Variants in DDX59 observed in about 807,000 individuals in gnomAD.
DDX59 encodes the protein DEAD-box helicase 59.
Under a neutral mutation model 51.9 loss-of-function variants are expected in DDX59, and 30 were observed. The observed-to-expected ratio is 0.58, with a 90% CI of 0.43 to 0.78. The LOEUF (loss-of-function observed/expected upper bound fraction) is 0.78, where lower values mean the gene tolerates loss of function less well. Among genes scored for constraint, DDX59 ranks in the 30% least tolerant of loss-of-function variants. DDX59 has a pLI of 0.00. For missense variants in DDX59, 672 were observed against 730.8 expected (o/e 0.92, Z 0.93); for synonymous variants, 255 against 253.3 (o/e 1.01, Z -0.06).
intron 3 of DDX59, among the ~76,000 whole-genome samples, chr1:200,663,126 T>G (rs1254382565): frequency 6.6e-6 from 1 of 152,120 alleles, no homozygotes; most frequent in Non-Finnish European, 1.5e-5. Context: ...CTGGTACTGC[T>G]GCCCCAGCCC....
chr1:200,664,160 G>A, intron 2 of DDX59, 74 bp from the exon 3 acceptor site: 2 of 1,499,966 alleles, frequency 1.3e-6, no homozygotes, highest in Non-Finnish European at 1.8e-6. Context: ...ATCTTCACAA[G>A]GATTCCAGGA....
chr1:200,666,882 C>A, intron 1 of DDX59, 131 bp from the exon 2 acceptor site: 1 of 855,704 alleles, frequency 1.2e-6, no homozygotes, highest in Non-Finnish European at 1.7e-6. Flanking sequence ...CCGAGGCAGG[C>A]AGATCACTTG....
chr1:200,659,058 A>G lies in DDX59; in HGVS notation c.1031T>C (p.Leu344Pro), dbSNP rs1662213366. The change falls in exon 4 of 8, where the codon CTC becomes CCC. Residue 344 changes from leucine (L) to proline (P), a missense_variant. Coordinates refer to ENST00000331314, the MANE Select transcript of DDX59 (RefSeq NM_001031725.6). ...TACTACCACAATCTTTACACCACAG[A>G]GTTCTACAGAGCTCTGCTTTATTAT... ...LDIIKQSSVE[L>P]CGVKIVVVDE... The G allele has an allele frequency of 6.2e-7, 1 of 1,613,476 alleles. No homozygotes were observed. The highest frequency in any genetic ancestry group is 1.3e-5 in the African/African-American group (1 of 75,030).
intron 3 of DDX59, among the ~76,000 whole-genome samples, chr1:200,661,575 C>T (rs533288061): frequency 6.6e-6 from 1 of 152,170 alleles, no homozygotes; most frequent in African/African-American, 2.4e-5. Flanking sequence ...AAGTAAGTGG[C>T]TTGTAAACCT....
At chr1:200,646,444 G>A (rs1661301783) in intron 7 of DDX59, among the ~76,000 whole-genome samples, 1 of 151,934 alleles carries the variant, frequency 6.6e-6, no homozygotes, top group African/African-American at 2.4e-5. Flanking sequence ...ATTTAAAAAT[G>A]GACAACAAAT....
rs750542771 is a variant in DDX59, at chr1:200,650,647, T to G, written c.1092A>C (p.Gln364His). Residue 364 changes from glutamine (Q) to histidine (H), a missense_variant, in exon 5 of 8, where the codon CAA (glutamine) becomes CAC (histidine). Coordinates refer to ENST00000331314, the MANE Select transcript of DDX59 (RefSeq NM_001031725.6). Reference sequence around the variant, plus strand: ...TTTCCAAAATGTCAAGCACTTGTTGTTGAAAACCCATCTTTAACATGGTAT... The same window carrying G: ...TTTCCAAAATGTCAAGCACTTGTTGGTGAAAACCCATCTTTAACATGGTAT... Reference protein sequence around the residue: ...EADTMLKMGFQQQVLDILENI... With the variant: ...EADTMLKMGFHQQVLDILENI... 6.2e-7 allele frequency: 1 copy of G among 1,612,876 alleles called. No homozygotes were observed. The highest frequency in any genetic ancestry group is 8.5e-7 in the Non-Finnish European group (1 of 1,179,208).
chr1:200,652,855 T>G (rs966765118), intron 4 of DDX59, among the ~76,000 whole-genome samples: 6 of 151,540 alleles, frequency 4.0e-5, no homozygotes, highest in Admixed American at 2.0e-4. Context: ...TAATTTTTGG[T>G]ATTTTTTTTT....
chr1:200,641,289 A>C (rs1255829790), downstream of DDX59: 15 of 1,191,308 alleles, frequency 1.3e-5, no homozygotes, highest in African/African-American at 1.6e-5. Flanking sequence ...TTTTACTGGA[A>C]AATATGACAG....
downstream of DDX59, among the ~76,000 whole-genome samples, chr1:200,643,629 C>A (rs981027953): frequency 6.6e-6 from 1 of 151,976 alleles, no homozygotes. Flanking sequence ...GGCGACAGAG[C>A]GAGACTCTGT....
chr1:200,656,825 A>T (rs1415262673), intron 4 of DDX59, among the ~76,000 whole-genome samples: 1 of 152,054 alleles, frequency 6.6e-6, no homozygotes, highest in African/African-American at 2.4e-5. Flanking sequence ...AGGCCAAGGC[A>T]GGAGGATCAC....
chr1:200,640,920 C>T (rs1661030919), downstream of DDX59: 1 of 193,378 alleles, frequency 5.2e-6, no homozygotes, highest in Non-Finnish European at 1.1e-5. Flanking sequence ...ACACGTGCAA[C>T]ACATTATAAA....
chr1:200,669,352 G>A (rs1334951840), intron 1 of DDX59, among the ~76,000 whole-genome samples: 1 of 152,202 alleles, frequency 6.6e-6, no homozygotes, highest in Non-Finnish European at 1.5e-5. Context: ...ATGTACAGGG[G>A]GTGGCGGGCG....
At chr1:200,649,926 C>T (rs1278221687) in intron 5 of DDX59, among the ~76,000 whole-genome samples, 1 of 151,460 alleles carries the variant, frequency 6.6e-6, no homozygotes, top group Non-Finnish European at 1.5e-5. Flanking sequence ...CACTACAAGC[C>T]CTGCCTCCCA....
At chr1:200,665,288 T>C (rs1261352243) in intron 2 of DDX59, among the ~76,000 whole-genome samples, 3 of 151,930 alleles carry the variant, frequency 2.0e-5, no homozygotes, top group African/African-American at 4.8e-5. Flanking sequence ...AAACACTGTC[T>C]CTACTAAAAA....
At chr1:200,663,667 T>G (rs984574779) in intron 3 of DDX59, among the ~76,000 whole-genome samples, 2 of 152,086 alleles carry the variant, frequency 1.3e-5, no homozygotes, top group African/African-American at 4.8e-5. Context: ...GTAAATGTGA[T>G]GCTTAAATGA....
downstream of DDX59, among the ~76,000 whole-genome samples, chr1:200,641,487 C>T (rs576224016): frequency 2.1e-5 from 1 of 48,430 alleles, no homozygotes; most frequent in African/African-American, 7.1e-5. Flanking sequence ...GCTCCCAGCA[C>T]TTTGGGAGGC....
rs748521357 is a variant in DDX59 at position 200,644,285 on chromosome 1, C to A, written c.1829G>T (p.Arg610Ile). 1 of 1,557,908 alleles carries A rather than the reference C, an allele frequency of 6.4e-7. No homozygotes were observed. Among genetic ancestry groups the A allele is most frequent in the Admixed American group, 2.0e-5 (1 of 50,142 alleles). ...VTGANLMDII[R>I]KHDKSNSQK ...CTGAGAATTACTTTTATCATGTTTT[C>A]TGATAATATCCATAAGATTAGCTCC... Residue 610 changes from arginine (R) to isoleucine (I), a missense_variant, in exon 8 of 8, where the codon AGA becomes ATA. Arg to Ile is a moderately conservative substitution (Grantham distance 97). Coordinates refer to ENST00000331314, the MANE Select transcript of DDX59 (RefSeq NM_001031725.6).
chr1:200,653,397 ACT>A (rs1386301835), intron 4 of DDX59, among the ~76,000 whole-genome samples: 10 of 152,260 alleles, frequency 6.6e-5, no homozygotes, highest in African/African-American at 2.4e-4. Flanking sequence ...ACCACTTGAC[ACT>A]GACTCCATTA....
intron 4 of DDX59, among the ~76,000 whole-genome samples, chr1:200,657,902 A>G (rs1662134551): frequency 6.6e-6 from 1 of 152,122 alleles, no homozygotes; most frequent in South Asian, 2.1e-4. Context: ...AGGCAACAGG[A>G]GCTAAACACT....
Sources: allele counts gnomAD v4.1 joint callset (sites outside exome capture counted in the v4.1 genomes callset), GRCh38; gene constraint gnomAD v4.1.1; transcripts MANE v1.5; gene names NCBI Gene and HGNC (gene_info 2026-07-23, HGNC 2026-07-21).